The following DCC variants were observed in gnomAD, a reference collection of about 807,000 sequenced individuals.
DCC encodes the protein DCC netrin 1 receptor.
A neutral mutation model predicts 172.5 loss-of-function variants in DCC; 58 were observed. The observed-to-expected ratio is 0.34, with a 90% CI of 0.27 to 0.42. The LOEUF is 0.42. Ranked by LOEUF, DCC falls within the 10% of genes least tolerant of loss-of-function variation. DCC has a pLI of 1.00. For synonymous variants in DCC, 709 were observed against 644.5 expected, an observed-to-expected ratio of 1.10 and a Z score of -1.52; for missense variants, 1,740 against 1,791.0, an observed-to-expected ratio of 0.97 and a Z score of 0.51.
chr18:53,016,376 C>G (rs1038604081), intron 5 of DCC, among the ~76,000 whole-genome samples: 2 of 151,930 alleles, frequency 1.3e-5, no homozygotes, highest in East Asian at 3.9e-4. Flanking sequence ...ATAGAACATG[C>G]CTTTGAACAT....
At chr18:52,403,203 C>A (rs915372752) in intron 1 of DCC, among the ~76,000 whole-genome samples, 2 of 151,982 alleles carry the variant, frequency 1.3e-5, no homozygotes. Flanking sequence ...AACATCTCTA[C>A]AAGTAAGCAT....
In DCC at chr18:52,955,250, TC is replaced by T. The variant is rs201750554; in HGVS notation, c.985+29881del. On this transcript the variant is annotated intron_variant, in intron 5 of 28. Transcript: ENST00000442544. The stretch of plus-strand genomic sequence containing the variant: ...CATGCTGTGCCCTGGCAACCACTCA[TC>T]TTTTTACTGTCTCCGTAATTTTACC... 9.9e-5 allele frequency among the ~76,000 whole-genome samples: 15 copies of T among 152,270 alleles called. No homozygotes were observed. In the East Asian group the frequency reaches 2.9e-3, roughly 29 times the overall value.
At chr18:52,388,845 G>A (rs74587144) in intron 1 of DCC, among the ~76,000 whole-genome samples, 8 of 152,120 alleles carry the variant, frequency 5.3e-5, no homozygotes, top group Non-Finnish European at 8.8e-5. Flanking sequence ...CCACATGGAC[G>A]TATAAATGAT....
intron 2 of DCC, among the ~76,000 whole-genome samples, chr18:52,766,075 A>G (rs1485864080): frequency 6.6e-6 from 1 of 152,192 alleles, no homozygotes; most frequent in Non-Finnish European, 1.5e-5. Context: ...TGAACAAGTC[A>G]GCAACTGGAG....
chr18:52,663,072 C>A (rs1043799524), intron 1 of DCC, among the ~76,000 whole-genome samples: 3 of 152,146 alleles, frequency 2.0e-5, no homozygotes, highest in Non-Finnish European at 4.4e-5. Flanking sequence ...ACTCACACTT[C>A]TTAATAGCAA....
At chr18:52,464,970 G>T (rs62081261) in intron 1 of DCC, among the ~76,000 whole-genome samples, 31,381 of 151,792 alleles carry the variant, frequency 0.21, 4,106 homozygotes, top group Non-Finnish European at 0.29. Context: ...TTCAAAAGAG[G>T]CTCAGACCAA....
chr18:52,774,752 T>A (rs566699014), intron 2 of DCC, among the ~76,000 whole-genome samples: 2 of 76,732 alleles, frequency 2.6e-5, no homozygotes, highest in Admixed American at 1.4e-4. Context: ...CTTTGCCTGC[T>A]GGGAAAGGTT....
chr18:52,514,986 T>C (rs1045461052), intron 1 of DCC, among the ~76,000 whole-genome samples: 5 of 152,198 alleles, frequency 3.3e-5, no homozygotes, highest in South Asian at 4.1e-4. Flanking sequence ...ATTGCCACGA[T>C]ACCAAATCCA....
intron 1 of DCC, among the ~76,000 whole-genome samples, chr18:52,466,568 A>T (rs1184362248): frequency 6.6e-6 from 1 of 152,152 alleles, no homozygotes; most frequent in African/African-American, 2.4e-5. Context: ...TGAATGCCAC[A>T]TTCTATACCT....
intron 1 of DCC, among the ~76,000 whole-genome samples, chr18:52,497,293 A>ATATATATATATGTG (rs2030817435): frequency 4.0e-4 from 12 of 29,930 alleles, no homozygotes; most frequent in Non-Finnish European, 9.6e-4. Context: ...ATATATATAT[A>ATATATATATATGTG]TATATATATA....
At chr18:53,389,401 C>T (rs981406858) in intron 16 of DCC, among the ~76,000 whole-genome samples, 1 of 152,150 alleles carries the variant, frequency 6.6e-6, no homozygotes, top group Non-Finnish European at 1.5e-5. Flanking sequence ...GCTGTGCTTG[C>T]TGTGCACGAT....
At chr18:52,511,295 A>AG (rs1211424172) in intron 1 of DCC, among the ~76,000 whole-genome samples, 16 of 151,524 alleles carry the variant, frequency 1.1e-4, no homozygotes, top group Middle Eastern at 3.2e-3. Flanking sequence ...AAAAAAAAAA[A>AG]AAAGAAAGAA....
intron 15 of DCC, among the ~76,000 whole-genome samples, chr18:53,356,309 G>A (rs912455279): frequency 6.6e-6 from 1 of 151,906 alleles, no homozygotes; most frequent in Non-Finnish European, 1.5e-5. Context: ...TATTTTATCT[G>A]TCTCATTTCC....
intron 7 of DCC, among the ~76,000 whole-genome samples, chr18:53,122,723 T>C (rs2043500419): frequency 6.6e-6 from 1 of 152,010 alleles, no homozygotes; most frequent in Admixed American, 6.6e-5. Flanking sequence ...TCACAGGACT[T>C]CTCAGGAATT....
intron 1 of DCC, among the ~76,000 whole-genome samples, chr18:52,586,958 G>T (rs1481106111): frequency 6.6e-6 from 1 of 152,204 alleles, no homozygotes; most frequent in Non-Finnish European, 1.5e-5. Context: ...GCCTTGGTCA[G>T]AGGCAATGCT....
At chr18:52,806,564 T>C (rs2038088152) in intron 2 of DCC, among the ~76,000 whole-genome samples, 1 of 152,190 alleles carries the variant, frequency 6.6e-6, no homozygotes, top group Non-Finnish European at 1.5e-5. Flanking sequence ...CTTCTCAGTC[T>C]GTAAGAGCCA....
chr18:52,740,293 T>C (rs1015688614), intron 1 of DCC, among the ~76,000 whole-genome samples: 1 of 152,212 alleles, frequency 6.6e-6, no homozygotes, highest in Non-Finnish European at 1.5e-5. Context: ...TTAAAACTCA[T>C]TGGTGCTTAG....
At position 53,207,715 on chromosome 18, in the gene DCC, G is replaced by A. The variant is rs777552579; in HGVS notation, c.1759G>A (p.Gly587Ser). Residue 587 changes from glycine (G) to serine (S), a missense_variant, in exon 11 of 29, where the codon GGC (glycine) becomes AGC (serine). Physicochemically the swap from Gly to Ser is moderately conservative, Grantham distance 56 (BLOSUM62 0). Around this residue, in one of 2 missense-constraint regions of DCC, gnomAD observed 1,732 missense variants for 1,767.4 expected, o/e 0.98. Coordinates refer to ENST00000442544, the MANE Select transcript of DCC (RefSeq NM_005215.4). ...TGATGGACTATCTTATAAACTGGAA[G>A]GCCTGAAAAAATTCACCGAATATAG... ...EVDGLSYKLE[G>S]LKKFTEYSLR... 4 of 1,613,448 alleles carry A rather than the reference G, an allele frequency of 2.5e-6. No homozygotes were observed. The South Asian group carries it at 4.4e-5, about 18-fold the overall frequency.
intron 1 of DCC, among the ~76,000 whole-genome samples, chr18:52,655,360 G>C (rs1352476697): frequency 6.6e-6 from 1 of 152,122 alleles, no homozygotes; most frequent in African/African-American, 2.4e-5. Flanking sequence ...GAGCCATAGA[G>C]TTTCTTACTT....
Sources: allele counts gnomAD v4.1 joint callset (sites outside exome capture counted in the v4.1 genomes callset), GRCh38; gene constraint gnomAD v4.1.1; regional missense constraint gnomAD v4.1.1; transcripts MANE v1.5; gene names NCBI Gene and HGNC (gene_info 2026-07-23, HGNC 2026-07-21).